NALF1: variants seen among roughly 807,000 people sequenced by gnomAD.
The protein encoded by NALF1 is NALCN channel auxiliary factor 1.
NALF1 carries 3 observed loss-of-function variants against 48.4 expected under a neutral mutation model. The observed-to-expected ratio is 0.06, with a 90% CI of 0.03 to 0.16. NALF1 has a LOEUF of 0.16. Ranked by LOEUF, NALF1 falls within the 10% of genes least tolerant of loss-of-function variation. The pLI is 1.00. For missense variants in NALF1, 526 were observed against 571.5 expected (o/e 0.92, Z 0.81); for synonymous variants, 262 against 245.7 (o/e 1.07, Z -0.62).
At chr13:107,544,451 C>G (rs1415770701) in intron 1 of NALF1, among the ~76,000 whole-genome samples, 1 of 152,140 alleles carries the variant, frequency 6.6e-6, no homozygotes, top group East Asian at 1.9e-4. Context: ...TTGCCCAACT[C>G]TTTCACTAGA....
chr13:107,865,611 C>A, intron 1 of NALF1, 71 bp downstream of exon 1: 2 of 1,534,984 alleles, frequency 1.3e-6, no homozygotes, highest in South Asian at 1.3e-5. Context: ...TAATAATAAA[C>A]TTGAGAAGAC....
chr13:107,785,822 T>C (rs912388839), intron 1 of NALF1, among the ~76,000 whole-genome samples: 5 of 152,172 alleles, frequency 3.3e-5, no homozygotes, highest in Non-Finnish European at 7.4e-5. Context: ...AAAGAATAAT[T>C]TTCTGTAATC....
intron 1 of NALF1, among the ~76,000 whole-genome samples, chr13:107,278,187 A>G (rs761650765): frequency 5.3e-5 from 8 of 152,222 alleles, no homozygotes; most frequent in Non-Finnish European, 8.8e-5. Flanking sequence ...GGTAGAGTCT[A>G]TCATTGGCTG....
At chr13:107,356,064 G>A (rs1882958351) in intron 1 of NALF1, among the ~76,000 whole-genome samples, 1 of 152,064 alleles carries the variant, frequency 6.6e-6, no homozygotes, top group African/African-American at 2.4e-5. Context: ...CCTGTGAGTT[G>A]GGGCCCTGGG....
chr13:107,304,086 T>C (rs1046365864), intron 1 of NALF1, among the ~76,000 whole-genome samples: 16 of 152,240 alleles, frequency 1.1e-4, no homozygotes, highest in Non-Finnish European at 1.5e-4. Flanking sequence ...AAGTGGATAA[T>C]TGTGAGTTTA....
intron 1 of NALF1, among the ~76,000 whole-genome samples, chr13:107,551,782 C>A (rs887483317): frequency 6.6e-6 from 1 of 152,046 alleles, no homozygotes; most frequent in Non-Finnish European, 1.5e-5. Flanking sequence ...AGTATTTCTT[C>A]TGTTCTACTT....
chr13:107,663,175 CTAAGA>C (rs1358020437), intron 1 of NALF1, among the ~76,000 whole-genome samples: 1 of 152,114 alleles, frequency 6.6e-6, no homozygotes, highest in Non-Finnish European at 1.5e-5. Context: ...ATGAAATGTA[CTAAGA>C]TATTTCATTC....
chr13:107,176,795 G>T (rs1353845334), intron 2 of NALF1, among the ~76,000 whole-genome samples: 1 of 152,008 alleles, frequency 6.6e-6, no homozygotes, highest in Non-Finnish European at 1.5e-5. Context: ...CTACCTAGAG[G>T]AATCAGGCAA....
chr13:107,295,358 C>T (rs1881705749), intron 1 of NALF1, among the ~76,000 whole-genome samples: 2 of 152,184 alleles, frequency 1.3e-5, no homozygotes, highest in Admixed American at 6.5e-5. Flanking sequence ...CCATGGTGTA[C>T]ATATAATACA....
In NALF1 at chr13:107,486,344, C is replaced by T. The variant is rs367964716; in HGVS notation, c.916-275589G>A. On this transcript the variant is annotated intron_variant, in intron 1 of 2. Transcript: ENST00000375915. ...TAATTAACTGGTGAAGAAAAAAGAC[C>T]TTCACTTTTTAGCTGAAAGGAATTC... is the stretch of plus-strand genomic sequence containing the variant. Among the ~76,000 whole-genome samples the T allele has an allele frequency of 2.0e-5, 3 of 152,104 alleles. No homozygotes were observed. In the South Asian group the frequency reaches 6.2e-4, roughly 32 times the overall value.
intron 1 of NALF1, among the ~76,000 whole-genome samples, chr13:107,551,810 AAT>A (rs1416579591): frequency 6.6e-6 from 1 of 152,108 alleles, no homozygotes; most frequent in Admixed American, 6.6e-5. Context: ...TTAAAGTATG[AAT>A]ATGTTTCTAA....
chr13:107,610,158 G>A (rs556216459), intron 1 of NALF1, among the ~76,000 whole-genome samples: 1 of 152,284 alleles, frequency 6.6e-6, no homozygotes, highest in African/African-American at 2.4e-5. Context: ...CTGTTACTAG[G>A]GAAGAGGAAA....
chr13:107,535,718 A>T (rs1271230928), intron 1 of NALF1, among the ~76,000 whole-genome samples: 1 of 152,216 alleles, frequency 6.6e-6, no homozygotes, highest in Non-Finnish European at 1.5e-5. Flanking sequence ...CAGAATTGGA[A>T]AAAACTACTT....
intron 1 of NALF1, among the ~76,000 whole-genome samples, chr13:107,241,460 C>T (rs1880469882): frequency 6.6e-6 from 1 of 152,186 alleles, no homozygotes; most frequent in Non-Finnish European, 1.5e-5. Flanking sequence ...GGCGCCTACT[C>T]AATGAGAGCA....
At chr13:107,856,470 A>G (rs959010829) in intron 1 of NALF1, among the ~76,000 whole-genome samples, 1 of 152,178 alleles carries the variant, frequency 6.6e-6, no homozygotes, top group Non-Finnish European at 1.5e-5. Flanking sequence ...AGAGCAAACA[A>G]TTACTTATTC....
chr13:107,469,260 T>C (rs1247190768), intron 1 of NALF1, among the ~76,000 whole-genome samples: 1 of 152,224 alleles, frequency 6.6e-6, no homozygotes, highest in Non-Finnish European at 1.5e-5. Flanking sequence ...AATATGACCT[T>C]TGAGAGAGAA....
chr13:107,648,648 C>A (rs909108695), intron 1 of NALF1, among the ~76,000 whole-genome samples: 1 of 152,174 alleles, frequency 6.6e-6, no homozygotes, highest in Non-Finnish European at 1.5e-5. Context: ...ATAACACCCA[C>A]ATGCAGGTTT....
At chr13:107,487,434 C>T (rs928981154) in intron 1 of NALF1, among the ~76,000 whole-genome samples, 15 of 152,264 alleles carry the variant, frequency 9.9e-5, no homozygotes, top group African/African-American at 3.6e-4. Context: ...TTATAACCAA[C>T]AGTTTGAAAA....
chr13:107,572,674 T>C (rs1212056359), intron 1 of NALF1, among the ~76,000 whole-genome samples: 1 of 152,168 alleles, frequency 6.6e-6, no homozygotes, highest in Non-Finnish European at 1.5e-5. Flanking sequence ...AGCCCTACTT[T>C]GAGTGAACTA....
Sources: gnomAD v4.1 joint callset for allele counts (sites outside exome capture counted in the v4.1 genomes callset) on GRCh38, gnomAD v4.1.1 for gene constraint, MANE v1.5 for transcripts, NCBI Gene and HGNC (gene_info 2026-07-23, HGNC 2026-07-21) for gene names.